HIVEP1: variants seen among roughly 807,000 people sequenced by gnomAD.
The protein encoded by HIVEP1 is zinc finger protein 40.
Under a neutral mutation model 180.0 loss-of-function variants are expected in HIVEP1, and 36 were observed. The ratio of observed to expected loss-of-function variants is 0.20; its 90% CI spans 0.15 to 0.26. The LOEUF is 0.26. Ranked by LOEUF, HIVEP1 falls within the 10% of genes least tolerant of loss-of-function variation. The probability of loss-of-function intolerance (pLI) is 1.00; values close to 1 mark genes in which losing one functional copy is unlikely to be tolerated. For missense variants in HIVEP1, 3,143 were observed against 3,268.7 expected (o/e 0.96, Z 0.94); for synonymous variants, 1,239 against 1,239.0 (o/e 1.00, Z 0.00).
At chr6:12,182,439 G>T in the HIVEP1 span, among the ~76,000 whole-genome samples, 1 of 152,160 alleles carries the variant, frequency 6.6e-6, no homozygotes, top group African/African-American at 2.4e-5. Flanking sequence ...CAGGTTATTG[G>T]TGACTCTAAG....
chr6:12,010,897 T>G (rs1767239645), upstream of HIVEP1, among the ~76,000 whole-genome samples: 2 of 152,272 alleles, frequency 1.3e-5, no homozygotes, highest in Admixed American at 1.3e-4. Flanking sequence ...CTCTCCCCTC[T>G]TCCCTGGAGC....
chr6:12,192,022 C>T, the HIVEP1 span, among the ~76,000 whole-genome samples: 2 of 152,198 alleles, frequency 1.3e-5, no homozygotes, highest in African/African-American at 2.4e-5. Context: ...TCTTGGGCCA[C>T]TAGACAATTG....
rs527504896 is a variant in HIVEP1 at position 12,137,154 on chromosome 6, G to C, written c.6487+1262G>C. On this transcript the variant is annotated intron_variant, in intron 7 of 8. Transcript: ENST00000379388. ...ATACAGAGCAATTCAGTTGTAAAAA[G>C]CTAGGAAAAGTGGAAAAGTGTGTAA... 3.9e-5 allele frequency among the ~76,000 whole-genome samples: 6 copies of C among 152,296 alleles called. No individual in the cohort carries two copies. The East Asian group carries it at 9.6e-4, about 24-fold the overall frequency.
intron 2 of HIVEP1, among the ~76,000 whole-genome samples, chr6:12,036,414 C>T (rs1421462460): frequency 6.6e-6 from 1 of 152,208 alleles, no homozygotes; most frequent in Non-Finnish European, 1.5e-5. Flanking sequence ...TGTGGAAATA[C>T]TTTTGTTAGG....
chr6:12,049,454 G>GT (rs531559869), intron 2 of HIVEP1, among the ~76,000 whole-genome samples: 192 of 152,320 alleles, frequency 1.3e-3, no homozygotes, highest in African/African-American at 4.5e-3. Flanking sequence ...GGCAGAGTGT[G>GT]TGAGACCTTG....
At position 12,125,522 on chromosome 6, in the gene HIVEP1, C is replaced by T; in HGVS notation, c.5727C>T (p.Ile1909=). Residue 1909 remains isoleucine (I), a synonymous_variant, in exon 4 of 9, where the codon ATC becomes ATT. Coordinates refer to ENST00000379388, the MANE Select transcript of HIVEP1 (RefSeq NM_002114.4). The stretch of plus-strand genomic sequence containing the variant: ...AAAATCAAGGTGACAAAGTGAACAT[C>T]CAAGAGCAAAGTCAACAGCCAGTCA... ...GVKNQGDKVN[I]QEQSQQPVTS... 2 of 1,614,130 alleles carry T rather than the reference C, an allele frequency of 1.2e-6. No homozygotes were observed. Among genetic ancestry groups the T allele is most frequent in the Non-Finnish European group, 1.7e-6 (2 of 1,180,002 alleles).
chr6:12,012,117 C>G (rs1179339747), upstream of HIVEP1: 1 of 147,434 alleles, frequency 6.8e-6, no homozygotes, highest in Non-Finnish European at 1.5e-5. Context: ...TCCGCCCGCC[C>G]CGCCGCGGCG....
chr6:12,134,270 G>A (rs186286193), intron 6 of HIVEP1, among the ~76,000 whole-genome samples: 2 of 152,234 alleles, frequency 1.3e-5, no homozygotes, highest in East Asian at 3.9e-4. Context: ...AGATAGCCAA[G>A]TGTTAATCCA....
intron 2 of HIVEP1, chr6:12,037,988 T>G (rs1246447470): frequency 2.6e-6 from 1 of 382,756 alleles, no homozygotes; most frequent in African/African-American, 2.1e-5. Flanking sequence ...GCACTGAGAT[T>G]ACAGGCATGA....
the HIVEP1 span, among the ~76,000 whole-genome samples, chr6:12,198,067 G>C: frequency 6.6e-6 from 1 of 152,206 alleles, no homozygotes; most frequent in Admixed American, 6.5e-5. Context: ...CTCAATGTTG[G>C]AAATGTTGAG....
chr6:12,147,803 C>G (rs1187256297), intron 7 of HIVEP1, among the ~76,000 whole-genome samples: 1 of 152,080 alleles, frequency 6.6e-6, no homozygotes, highest in Admixed American at 6.5e-5. Flanking sequence ...TTTTTTATGT[C>G]TATGTATAAA....
In HIVEP1 at chr6:12,057,466, G is replaced by A. The variant is rs1036559063; in HGVS notation, c.41-31718G>A. 2.0e-5 allele frequency among the ~76,000 whole-genome samples: 3 copies of A among 152,308 alleles called. No homozygotes were observed. In the East Asian group the frequency reaches 5.8e-4, roughly 29 times the overall value. On this transcript the variant is annotated intron_variant, in intron 2 of 8. Transcript: ENST00000379388. Reference sequence around the variant, plus strand: ...CCTTTTTTGGTAGTTTTGCATGTGAGTATATGGTATATGGTCTAGAGATGA... The same window carrying A: ...CCTTTTTTGGTAGTTTTGCATGTGAATATATGGTATATGGTCTAGAGATGA...
chr6:12,174,823 A>G, the HIVEP1 span, among the ~76,000 whole-genome samples: 663 of 152,294 alleles, frequency 4.4e-3, 7 homozygotes, highest in African/African-American at 0.015. Context: ...TGTTGTTGCT[A>G]TTTAAATAAC....
the HIVEP1 span, among the ~76,000 whole-genome samples, chr6:12,203,973 A>G: frequency 6.6e-6 from 1 of 152,106 alleles, no homozygotes; most frequent in Non-Finnish European, 1.5e-5. Flanking sequence ...GCTACTTGGG[A>G]GGCTGAGGCA....
Position 12,125,772 on chromosome 6 carries a change from C to T in HIVEP1, c.5977C>T (p.Gln1993Ter). ...TGCACTTGCTCTCCTTAATTCAAAA[C>T]AGAACACTGGAAAATCACTATACTG... ...KVALALLNSK[Q>*]NTGKSLYCQA... Residue 1993 changes from glutamine to a stop codon, truncating the protein, a stop_gained, in exon 4 of 9, where the codon CAG (glutamine) becomes TAG (stop). Transcript: ENST00000379388. LOFTEE classifies it high-confidence loss of function. 6.2e-7 allele frequency: 1 copy of T among 1,613,974 alleles called. No individual in the cohort carries two copies. The highest frequency in any genetic ancestry group is 8.5e-7 in the Non-Finnish European group (1 of 1,179,832).
intron 2 of HIVEP1, among the ~76,000 whole-genome samples, chr6:12,022,201 C>T (rs1171960038): frequency 4.0e-5 from 6 of 150,446 alleles, no homozygotes; most frequent in Admixed American, 4.0e-4. Context: ...GACGGAGTTT[C>T]ACTCTGTCAC....
chr6:12,211,475 GTA>G, the HIVEP1 span, among the ~76,000 whole-genome samples: 35,438 of 85,282 alleles, frequency 0.42, 4,471 homozygotes, highest in East Asian at 0.59. Flanking sequence ...ATATATATAT[GTA>G]TATATATATA....
intron 3 of HIVEP1, among the ~76,000 whole-genome samples, chr6:12,115,324 TCTTAA>T (rs1655099824): frequency 1.3e-5 from 2 of 149,748 alleles, no homozygotes; most frequent in South Asian, 4.2e-4. Context: ...AACACAGGAA[TCTTAA>T]CTTATACTTC....
At chr6:12,208,124 T>C in the HIVEP1 span, among the ~76,000 whole-genome samples, 1 of 152,244 alleles carries the variant, frequency 6.6e-6, no homozygotes, top group African/African-American at 2.4e-5. Flanking sequence ...TTCTGGTCAA[T>C]GCTTCATTCA....
Sources: allele counts gnomAD v4.1 joint callset (sites outside exome capture counted in the v4.1 genomes callset), GRCh38; gene constraint gnomAD v4.1.1; transcripts MANE v1.5; gene names NCBI Gene and HGNC (gene_info 2026-07-23, HGNC 2026-07-21).